The following TRPM3 variants were observed in gnomAD, a reference collection of about 807,000 sequenced individuals.
The protein encoded by TRPM3 is long transient receptor potential channel 3.
TRPM3 carries 77 observed loss-of-function variants against 181.2 expected under a neutral mutation model. The ratio of observed to expected loss-of-function variants is 0.42; its 90% CI spans 0.35 to 0.51. The LOEUF (loss-of-function observed/expected upper bound fraction) is 0.51. Ranked by LOEUF, TRPM3 falls within the 20% of genes least tolerant of loss-of-function variation. The probability of loss-of-function intolerance (pLI) is 0.01; values close to 1 mark genes in which losing one functional copy is unlikely to be tolerated. For synonymous variants in TRPM3, 745 were observed against 796.4 expected (o/e 0.94, Z 1.09); for missense variants, 1,759 against 2,196.7 (o/e 0.80, Z 3.98).
At chr9:70,893,479 C>T (rs1458638310) in intron 1 of TRPM3, among the ~76,000 whole-genome samples, 2 of 152,140 alleles carry the variant, frequency 1.3e-5, no homozygotes, top group African/African-American at 4.8e-5. Context: ...GATGATGCTA[C>T]TACTAATAGA....
intron 1 of TRPM3, among the ~76,000 whole-genome samples, chr9:71,054,975 G>T (rs957780930): frequency 1.3e-5 from 2 of 152,100 alleles, no homozygotes; most frequent in Non-Finnish European, 2.9e-5. Context: ...ATGCCTGGCT[G>T]CTAGGCAGCA....
At chr9:70,990,969 A>G (rs376628879) in intron 1 of TRPM3, among the ~76,000 whole-genome samples, 156 of 152,330 alleles carry the variant, frequency 1.0e-3, no homozygotes, top group African/African-American at 2.8e-3. Context: ...TAATATAAAT[A>G]ACTGTTGTTG....
chr9:70,635,462 A>ATTTTTTTT (rs71505401), intron 11 of TRPM3, among the ~76,000 whole-genome samples: 6 of 113,112 alleles, frequency 5.3e-5, no homozygotes, highest in Non-Finnish European at 8.6e-5. Flanking sequence ...TTTGTCAGTG[A>ATTTTTTTT]TTTTTTTTTT....
intron 1 of TRPM3, among the ~76,000 whole-genome samples, chr9:71,239,092 A>C (rs746376221): frequency 1.1e-4 from 16 of 152,170 alleles, no homozygotes; most frequent in East Asian, 7.7e-4. Context: ...AACAAACAAA[A>C]AAAAACAGCA....
intron 1 of TRPM3, among the ~76,000 whole-genome samples, chr9:70,938,066 C>G (rs894718367): frequency 6.6e-6 from 1 of 152,160 alleles, no homozygotes. Context: ...ACTTCGAAAT[C>G]TGTTAGGATG....
At chr9:70,605,326 C>T (rs2060856133) in intron 19 of TRPM3, among the ~76,000 whole-genome samples, 1 of 152,170 alleles carries the variant, frequency 6.6e-6, no homozygotes, top group African/African-American at 2.4e-5. Flanking sequence ...GCAGACACAA[C>T]TGTTGCACAA....
rs1225189235 is a variant in TRPM3 at position 70,620,491 on chromosome 9, T to C, written c.1840-126A>G. 15 of 1,076,750 alleles carry C rather than the reference T, an allele frequency of 1.4e-5. No individual in the cohort carries two copies. In the East Asian group the frequency reaches 1.7e-4, roughly 12 times the overall value. The allele number at this position is 1,076,750 out of a possible 1,614,324, so 66.7% of individuals were successfully genotyped here. A position where few individuals can be genotyped will look rare whatever the true frequency, so the allele number is the denominator to read the frequency against. On this transcript the variant is annotated intron_variant, in intron 15 of 25. Transcript: ENST00000677713. ...TACTGAAATGAACGAGGCCAGCTCCTGTCCTAAAAGAACTCACAAGCTCAT... is the reference window on the plus strand; with the variant it reads ...TACTGAAATGAACGAGGCCAGCTCCCGTCCTAAAAGAACTCACAAGCTCAT...
At chr9:71,005,636 A>AG (rs2097665223) in intron 1 of TRPM3, among the ~76,000 whole-genome samples, 1 of 152,214 alleles carries the variant, frequency 6.6e-6, no homozygotes, top group Non-Finnish European at 1.5e-5. Flanking sequence ...AAGTACTGAG[A>AG]GGAAAAAAAA....
intron 1 of TRPM3, among the ~76,000 whole-genome samples, chr9:71,191,061 G>A (rs1442433746): frequency 2.6e-5 from 4 of 151,762 alleles, no homozygotes; most frequent in South Asian, 4.1e-4. Context: ...AGGCCCCTAC[G>A]AGGGAGCCAT....
chr9:70,942,677 T>A (rs1450252950), intron 1 of TRPM3, among the ~76,000 whole-genome samples: 1 of 152,180 alleles, frequency 6.6e-6, no homozygotes, highest in Admixed American at 6.5e-5. Flanking sequence ...AGCAAAGACT[T>A]TGGGATCAGA....
chr9:71,000,394 C>T (rs1017354241), intron 1 of TRPM3, among the ~76,000 whole-genome samples: 1 of 152,106 alleles, frequency 6.6e-6, no homozygotes, highest in African/African-American at 2.4e-5. Flanking sequence ...AAATAAAGTG[C>T]TAAAGTGGTT....
At chr9:71,187,225 T>G (rs181410348) in intron 1 of TRPM3, among the ~76,000 whole-genome samples, 139 of 152,128 alleles carry the variant, frequency 9.1e-4, no homozygotes, top group African/African-American at 3.3e-3. Flanking sequence ...CATTTCTAAT[T>G]GGTTAATCTA....
chr9:70,848,409 G>A (rs1010698217), intron 3 of TRPM3, among the ~76,000 whole-genome samples: 24 of 152,112 alleles, frequency 1.6e-4, no homozygotes, highest in Non-Finnish European at 3.4e-4. Context: ...ATGATGGGGA[G>A]GAGGCAATAT....
chr9:70,831,785 C>A (rs954400907), intron 5 of TRPM3, among the ~76,000 whole-genome samples: 13 of 150,852 alleles, frequency 8.6e-5, no homozygotes, highest in Non-Finnish European at 1.6e-4. Flanking sequence ...TTTGATAGCA[C>A]AATAGGATGA....
intron 3 of TRPM3, among the ~76,000 whole-genome samples, chr9:70,852,789 G>A (rs1456719759): frequency 2.0e-5 from 3 of 151,992 alleles, no homozygotes; most frequent in Non-Finnish European, 2.9e-5. Context: ...CCCTGCATTT[G>A]GCCAGCACTG....
At chr9:71,379,331 G>C (rs2092738716) in intron 1 of TRPM3, among the ~76,000 whole-genome samples, 1 of 152,006 alleles carries the variant, frequency 6.6e-6, no homozygotes, top group Non-Finnish European at 1.5e-5. Flanking sequence ...ACAAGATAAT[G>C]GTTACCCTGG....
chr9:71,113,370 C>A (rs930760425), intron 1 of TRPM3, among the ~76,000 whole-genome samples: 1 of 152,018 alleles, frequency 6.6e-6, no homozygotes, highest in African/African-American at 2.4e-5. Context: ...CCAGTTTGGG[C>A]AATGTGGTGA....
At chr9:71,268,356 G>T (rs10746870) in intron 1 of TRPM3, among the ~76,000 whole-genome samples, 80,973 of 151,770 alleles carry the variant, frequency 0.53, 21,793 homozygotes, top group African/African-American at 0.62. Flanking sequence ...CTCCAGCCTA[G>T]GTGACAGAGC....
At chr9:70,664,680 T>C (rs1378366804) in intron 9 of TRPM3, among the ~76,000 whole-genome samples, 7 of 125,950 alleles carry the variant, frequency 5.6e-5, no homozygotes, top group African/African-American at 2.0e-4. Context: ...AGACTGAGTC[T>C]CACTCTGTTG....
Sources: allele counts gnomAD v4.1 joint callset (sites outside exome capture counted in the v4.1 genomes callset), GRCh38; gene constraint gnomAD v4.1.1; transcripts MANE v1.5; gene names NCBI Gene and HGNC (gene_info 2026-07-23, HGNC 2026-07-21).